The following DACH2 variants were observed in gnomAD, a reference collection of about 807,000 sequenced individuals.
The protein encoded by DACH2 is dachshund family transcription factor 2.
In DACH2, 17 loss-of-function variants were observed where a neutral mutation model predicts 35.8. The ratio of observed to expected loss-of-function variants is 0.48; its 90% confidence interval spans 0.33 to 0.71. DACH2 has a LOEUF of 0.71. Among genes scored for constraint, DACH2 ranks in the 30% least tolerant of loss-of-function variants. The pLI, the probability that DACH2 is intolerant of heterozygous loss-of-function variation, is 0.02. For missense variants in DACH2, 469 were observed against 472.7 expected (o/e 0.99, Z 0.07); for synonymous variants, 195 against 177.3 (o/e 1.10, Z -0.79).
At chrX:86,565,853 C>T (rs2039286240) in intron 3 of DACH2, among the ~76,000 whole-genome samples, 1 of 111,303 alleles carries the variant, frequency 9.0e-6, no homozygotes, top group Non-Finnish European at 1.9e-5. Flanking sequence ...AAAGAAAAAT[C>T]ACACAGAAAT....
At chrX:86,712,476 T>C (rs1434884984) in intron 5 of DACH2, among the ~76,000 whole-genome samples, 1 of 110,613 alleles carries the variant, frequency 9.0e-6, no homozygotes, top group Non-Finnish European at 1.9e-5. Context: ...AGGTAATGGA[T>C]ATATTAATTA....
chrX:86,705,091 AT>A (rs1913886991), intron 5 of DACH2, among the ~76,000 whole-genome samples: 1 of 97,809 alleles, frequency 1.0e-5, no homozygotes, highest in Admixed American at 1.0e-4. Context: ...TGAGATATAT[AT>A]AATGGAATAC....
chrX:86,357,992 G>T (rs1218834779), intron 1 of DACH2, among the ~76,000 whole-genome samples: 1 of 111,819 alleles, frequency 8.9e-6, no homozygotes, highest in Non-Finnish European at 1.9e-5. Context: ...AAAAATGTGT[G>T]TGGGTGTGTA....
At chrX:86,527,126 G>A (rs888079393) in intron 3 of DACH2, among the ~76,000 whole-genome samples, 1 of 111,369 alleles carries the variant, frequency 9.0e-6, no homozygotes, top group Non-Finnish European at 1.9e-5. Context: ...TTAATAATCA[G>A]TTGATAGATG....
intron 1 of DACH2, among the ~76,000 whole-genome samples, chrX:86,245,552 C>G (rs941765409): frequency 8.9e-6 from 1 of 111,750 alleles, no homozygotes; most frequent in Non-Finnish European, 1.9e-5. Flanking sequence ...TAGCATGTAG[C>G]CCAGGAATGC....
chrX:86,636,680 C>G (rs948214464), intron 3 of DACH2, among the ~76,000 whole-genome samples: 1 of 110,841 alleles, frequency 9.0e-6, no homozygotes, highest in African/African-American at 3.3e-5. Context: ...ACACTGTACC[C>G]CATTCTTACA....
chrX:86,745,807 G>A lies in DACH2; in HGVS notation c.1240+5925G>A, dbSNP rs142924202. Among the ~76,000 whole-genome samples the A allele has an allele frequency of 4.7e-4, 52 of 111,100 alleles. 2 individuals are homozygous for A. The highest frequency in any genetic ancestry group is 1.6e-3 in the African/African-American group (49 of 30,621). ...TCTATTTTAAGTTCTTTGAGAAATC[G>A]CCAAACTGCTTTCCCCAGTGACTGA... On this transcript the variant is annotated intron_variant, in intron 7 of 11. Transcript: ENST00000373125.
chrX:86,177,828 A>T (rs911972412), intron 1 of DACH2, among the ~76,000 whole-genome samples: 113 of 108,229 alleles, frequency 1.0e-3, no homozygotes, highest in African/African-American at 4.0e-3. Flanking sequence ...TTGATTTAAG[A>T]AATCTTGTTT....
intron 2 of DACH2, among the ~76,000 whole-genome samples, chrX:86,505,340 G>A (rs891916843): frequency 8.9e-6 from 1 of 111,882 alleles, no homozygotes; most frequent in Non-Finnish European, 1.9e-5. Context: ...GTACAGCTTG[G>A]TAGTGTTAAC....
intron 5 of DACH2, among the ~76,000 whole-genome samples, 166 bp from the exon 6 acceptor site, chrX:86,714,382 A>T (rs914135075): frequency 3.6e-5 from 4 of 112,071 alleles, no homozygotes; most frequent in Non-Finnish European, 7.5e-5. Context: ...TTTTAAAATG[A>T]TTAAACAATA....
chrX:86,221,512 C>CT (rs775763490), intron 1 of DACH2, among the ~76,000 whole-genome samples: 11 of 111,237 alleles, frequency 9.9e-5, no homozygotes, highest in African/African-American at 2.9e-4. Context: ...CAGCTTTGTT[C>CT]TTTTTTTTGT....
chrX:86,458,042 T>G (rs754106446), intron 2 of DACH2, among the ~76,000 whole-genome samples: 1 of 111,996 alleles, frequency 8.9e-6, no homozygotes, highest in African/African-American at 3.2e-5. Context: ...TGACTGTATT[T>G]TAGTCAATTC....
chrX:86,178,686 T>A (rs1226481039), intron 1 of DACH2, among the ~76,000 whole-genome samples: 2 of 111,220 alleles, frequency 1.8e-5, no homozygotes, highest in Non-Finnish European at 3.8e-5. Context: ...TATGACCATC[T>A]AAGCCTCAGT....
intron 4 of DACH2, among the ~76,000 whole-genome samples, chrX:86,683,560 G>A (rs779784923): frequency 9.0e-6 from 1 of 111,721 alleles, no homozygotes; most frequent in Admixed American, 9.5e-5. Context: ...GTGGTTAACT[G>A]CAAAAATAAT....
In DACH2 at chrX:86,162,341, T is replaced by C. The variant is rs772281238; in HGVS notation, c.488+13233T>C. The stretch of plus-strand genomic sequence containing the variant: ...TCATGTTAGCATTGATGGAGTTCTA[T>C]TTGGGAATGAACAAAGGAATGAAAC... On this transcript the variant is annotated intron_variant, in intron 1 of 11. Coordinates refer to ENST00000373125, the MANE Select transcript of DACH2 (RefSeq NM_053281.3). Among the ~76,000 whole-genome samples, 39 of 110,912 alleles carry C rather than the reference T, an allele frequency of 3.5e-4. No homozygotes were observed. The East Asian group carries it at 0.011, about 31-fold the overall frequency.
chrX:86,562,366 A>C (rs1425809528), intron 3 of DACH2, among the ~76,000 whole-genome samples: 4 of 111,439 alleles, frequency 3.6e-5, no homozygotes, highest in Non-Finnish European at 5.7e-5. Context: ...ATTTCACTTC[A>C]TTTGAAAGAA....
intron 3 of DACH2, among the ~76,000 whole-genome samples, chrX:86,588,189 C>A (rs777128761): frequency 9.0e-6 from 1 of 110,554 alleles, no homozygotes; most frequent in South Asian, 3.8e-4. Flanking sequence ...AGGGGTGCAG[C>A]CTTTTTTCTA....
intron 3 of DACH2, among the ~76,000 whole-genome samples, chrX:86,613,278 GT>G (rs1313308139): frequency 6.3e-5 from 7 of 111,129 alleles, no homozygotes; most frequent in Admixed American, 1.9e-4. Flanking sequence ...GGTCTTCAGA[GT>G]TTTTTCAACT....
intron 7 of DACH2, among the ~76,000 whole-genome samples, chrX:86,787,003 A>G (rs1248705901): frequency 9.0e-6 from 1 of 111,463 alleles, no homozygotes. Flanking sequence ...GCCTCCTGCC[A>G]TCCATGTAAG....
Sources: allele counts gnomAD v4.1 joint callset (sites outside exome capture counted in the v4.1 genomes callset), GRCh38; gene constraint gnomAD v4.1.1; transcripts MANE v1.5; gene names NCBI Gene and HGNC (gene_info 2026-07-23, HGNC 2026-07-21).